The following FSTL4 variants were observed in gnomAD, a reference collection of about 807,000 sequenced individuals.
The protein encoded by FSTL4 is follistatin like 4, also known as follistatin-related protein 4.
FSTL4 carries 28 observed loss-of-function variants against 78.2 expected under a neutral mutation model. That is an observed-to-expected ratio of 0.36 (90% CI 0.27 to 0.49). The LOEUF (loss-of-function observed/expected upper bound fraction) is 0.49. FSTL4 is among the 20% of genes least tolerant of loss of function. FSTL4 has a pLI of 0.98. For synonymous variants in FSTL4, 422 were observed against 440.5 expected, an observed-to-expected ratio of 0.96 and a Z score of 0.53; for missense variants, 922 against 1,084.9, an observed-to-expected ratio of 0.85 and a Z score of 2.11.
At chr5:133,326,112 G>A (rs945301187) in intron 4 of FSTL4, among the ~76,000 whole-genome samples, 1 of 152,224 alleles carries the variant, frequency 6.6e-6, no homozygotes, top group Non-Finnish European at 1.5e-5. Context: ...TTTAGGAGCT[G>A]CCGTAACTTT....
chr5:133,246,187 C>T (rs759924506), intron 7 of FSTL4, among the ~76,000 whole-genome samples: 13 of 152,180 alleles, frequency 8.5e-5, no homozygotes, highest in Non-Finnish European at 1.6e-4. Flanking sequence ...ATTACAATGC[C>T]GGTGATCGTA....
At chr5:133,840,348 G>A in the FSTL4 span, among the ~76,000 whole-genome samples, 2 of 152,244 alleles carry the variant, frequency 1.3e-5, no homozygotes, top group Admixed American at 6.5e-5. Context: ...TGTAAGGAGA[G>A]AAGGGGAAAT....
At chr5:133,432,997 G>C (rs565616944) in intron 3 of FSTL4, among the ~76,000 whole-genome samples, 1 of 152,306 alleles carries the variant, frequency 6.6e-6, no homozygotes, top group Admixed American at 6.5e-5. Flanking sequence ...AGTGCAGAAG[G>C]CTTCTTGGGT....
At chr5:133,544,572 G>A (rs887173282) in intron 3 of FSTL4, among the ~76,000 whole-genome samples, 19 of 152,064 alleles carry the variant, frequency 1.2e-4, no homozygotes, top group Admixed American at 2.6e-4. Flanking sequence ...ACTCACCCCC[G>A]TTTTCTTCCT....
At chr5:133,791,463 A>G in the FSTL4 span, among the ~76,000 whole-genome samples, 2 of 152,300 alleles carry the variant, frequency 1.3e-5, no homozygotes, top group South Asian at 2.1e-4. Context: ...TGTTTTATTC[A>G]CAGCTGTATA....
intron 3 of FSTL4, among the ~76,000 whole-genome samples, chr5:133,438,975 T>A (rs1044504131): frequency 6.6e-6 from 1 of 152,230 alleles, no homozygotes; most frequent in African/African-American, 2.4e-5. Context: ...CCCACTTTGG[T>A]GGAAGTCAGT....
rs375903269 is a variant in FSTL4, at chr5:133,441,269, T to C, written c.161-40283A>G. 7.9e-5 allele frequency among the ~76,000 whole-genome samples: 12 copies of C among 152,210 alleles called. No individual in the cohort carries two copies. In the East Asian group the frequency reaches 2.3e-3, roughly 29 times the overall value. ...AGAGCTGGTACTTATCCAGCAACTC[T>C]TGCTCATTGTTGGTTGAAGGCTACT... On this transcript the variant is annotated intron_variant, in intron 3 of 15. Coordinates refer to ENST00000265342, the MANE Select transcript of FSTL4 (RefSeq NM_015082.2).
chr5:133,525,480 C>T (rs113877618), intron 3 of FSTL4, among the ~76,000 whole-genome samples: 1,803 of 152,312 alleles, frequency 0.012, 37 homozygotes, highest in African/African-American at 0.041. Context: ...GCTCTGGATC[C>T]ATAGCTTTCT....
intron 3 of FSTL4, among the ~76,000 whole-genome samples, chr5:133,547,132 T>C (rs1362673108): frequency 6.6e-6 from 1 of 152,164 alleles, no homozygotes; most frequent in Non-Finnish European, 1.5e-5. Context: ...GTGTGAGACA[T>C]GGAGTCAAAG....
chr5:133,368,653 G>A lies in FSTL4; in HGVS notation c.409+32085C>T, dbSNP rs562531889. On this transcript the variant is annotated intron_variant, in intron 4 of 15. Coordinates refer to ENST00000265342, the MANE Select transcript of FSTL4 (RefSeq NM_015082.2). ...AACTCAGGTCTCTTGATGCCCAGTT[G>A]AGTTCCCTAGCACGGGAGGTGCATC... Among the ~76,000 whole-genome samples the A allele has an allele frequency of 2.0e-5, 3 of 152,340 alleles. 1 individual carries two copies. Among genetic ancestry groups the A allele is most frequent in the Admixed American group, 2.0e-4 (3 of 15,302 alleles).
chr5:133,220,656 T>C, intron 12 of FSTL4, 92 bp downstream of exon 12: 2 of 781,560 alleles, frequency 2.6e-6, no homozygotes, highest in South Asian at 1.5e-5. Context: ...CAAATGGAAT[T>C]TTAGAAATCA....
the FSTL4 span, among the ~76,000 whole-genome samples, chr5:133,794,807 A>G: frequency 0.01 from 1,544 of 152,260 alleles, 8 homozygotes; most frequent in South Asian, 0.019. Flanking sequence ...CCTGGTCAGC[A>G]GTGCCCACCT....
chr5:133,401,176 A>T (rs899584245), intron 3 of FSTL4, among the ~76,000 whole-genome samples, 190 bp from the exon 4 acceptor site: 2 of 152,214 alleles, frequency 1.3e-5, no homozygotes, highest in African/African-American at 4.8e-5. Context: ...GGTGCCAAGA[A>T]GGGTGTCCTG....
At chr5:133,643,045 C>A in the FSTL4 span, among the ~76,000 whole-genome samples, 3 of 152,240 alleles carry the variant, frequency 2.0e-5, no homozygotes, top group African/African-American at 7.2e-5. Context: ...GCATATTTAA[C>A]TTCCAAACAT....
chr5:133,248,414 T>C lies in FSTL4; in HGVS notation c.894+996A>G, dbSNP rs538847253. 5 of 152,308 alleles carry C rather than the reference T, an allele frequency of 3.3e-5. No homozygotes were observed. In the East Asian group the frequency reaches 9.7e-4, roughly 29 times the overall value. 9.4% of individuals were successfully genotyped at this position (152,308 alleles called of 1,614,324 possible). A position where few individuals can be genotyped will look rare whatever the true frequency, so the allele number is the denominator to read the frequency against. ...GCTGCCCTCTCTTCTGCATGAAAATTATATTCCAGTTACTGTAACCTAAGA... is the reference window on the plus strand; with the variant it reads ...GCTGCCCTCTCTTCTGCATGAAAATCATATTCCAGTTACTGTAACCTAAGA... On this transcript the variant is annotated intron_variant, in intron 7 of 15. Transcript: ENST00000265342.
the FSTL4 span, among the ~76,000 whole-genome samples, chr5:133,785,886 G>C: frequency 2.0e-5 from 3 of 152,220 alleles, no homozygotes; most frequent in East Asian, 5.8e-4. Context: ...CAGCATGCAG[G>C]CCAGGTGAAG....
intron 4 of FSTL4, among the ~76,000 whole-genome samples, chr5:133,353,838 A>G (rs1317232138): frequency 6.6e-6 from 1 of 152,204 alleles, no homozygotes; most frequent in Non-Finnish European, 1.5e-5. Context: ...CACTTCCCAG[A>G]GGCCAGTTCT....
At chr5:133,570,020 T>G (rs1480651153) in intron 2 of FSTL4, among the ~76,000 whole-genome samples, 2 of 151,754 alleles carry the variant, frequency 1.3e-5, no homozygotes, top group East Asian at 1.9e-4. Flanking sequence ...CCATCCTGGC[T>G]AACACGGTGA....
chr5:133,562,863 G>A (rs1334175172), intron 3 of FSTL4, among the ~76,000 whole-genome samples: 1 of 152,214 alleles, frequency 6.6e-6, no homozygotes. Context: ...AACATGATGG[G>A]AACAGTCAGA....
Sources: gnomAD v4.1 joint callset for allele counts (sites outside exome capture counted in the v4.1 genomes callset) on GRCh38, gnomAD v4.1.1 for gene constraint, MANE v1.5 for transcripts, NCBI Gene and HGNC (gene_info 2026-07-23, HGNC 2026-07-21) for gene names.